The following RAPGEF4 variants were observed in gnomAD, a reference collection of about 807,000 sequenced individuals.
The protein encoded by RAPGEF4 is Rap guanine nucleotide exchange factor 4, also known as RAP guanine-nucleotide-exchange factor (GEF) 4.
In RAPGEF4, 66 loss-of-function variants were observed where a neutral mutation model predicts 147.9. The observed-to-expected ratio is 0.45, with a 90% CI of 0.37 to 0.55. The LOEUF is 0.55. Among genes scored for constraint, RAPGEF4 ranks in the 20% least tolerant of loss-of-function variants. RAPGEF4 has a pLI of 0.00. For missense variants in RAPGEF4, 1,071 were observed against 1,257.3 expected (o/e 0.85, Z 2.24); for synonymous variants, 419 against 442.7 (o/e 0.95, Z 0.67).
At chr2:172,855,804 G>T (rs1693348503) in intron 4 of RAPGEF4, among the ~76,000 whole-genome samples, 2 of 152,052 alleles carry the variant, frequency 1.3e-5, no homozygotes, top group South Asian at 4.1e-4. Flanking sequence ...TGTGAATTTT[G>T]ATGGAAAGTT....
At chr2:172,804,399 G>A (rs528153670) in intron 3 of RAPGEF4, among the ~76,000 whole-genome samples, 1 of 152,120 alleles carries the variant, frequency 6.6e-6, no homozygotes, top group Non-Finnish European at 1.5e-5. Flanking sequence ...TTTTTCATCA[G>A]CAATATACCC....
At chr2:173,026,808 C>T in intron 24 of RAPGEF4, 111 bp downstream of exon 24, 1 of 1,375,848 alleles carries the variant, frequency 7.3e-7, no homozygotes, top group Non-Finnish European at 9.9e-7. Context: ...ACCACATGAC[C>T]ATTTTTTTGC....
At chr2:172,762,697 G>C (rs1029277011) in intron 1 of RAPGEF4, among the ~76,000 whole-genome samples, 3 of 152,206 alleles carry the variant, frequency 2.0e-5, no homozygotes, top group Non-Finnish European at 2.9e-5. Flanking sequence ...CTATATCCCA[G>C]CCTTGTATTT....
At chr2:173,044,585 T>C (rs931033915) in intron 29 of RAPGEF4, among the ~76,000 whole-genome samples, 6 of 152,196 alleles carry the variant, frequency 3.9e-5, no homozygotes, top group African/African-American at 4.8e-5. Context: ...CAGCTTTCAG[T>C]TGGGCCCATC....
chr2:173,026,425 G>T, intron 23 of RAPGEF4, 147 bp from the exon 24 acceptor site: 1 of 786,062 alleles, frequency 1.3e-6, no homozygotes, highest in Non-Finnish European at 1.9e-6. Context: ...AGCGTTGCGA[G>T]CAGAGGCATC....
rs145483307 is a variant in RAPGEF4, at chr2:172,904,418, G to T, written c.445-13384G>T. Reference sequence around the variant, plus strand: ...TGCAATAACATTGCTAGAGCAAATTGTTTTACGACTTTCAATTAAGTAGCA... The same window carrying T: ...TGCAATAACATTGCTAGAGCAAATTTTTTTACGACTTTCAATTAAGTAGCA... On this transcript the variant is annotated intron_variant, in intron 4 of 30. Transcript: ENST00000397081. Among the ~76,000 whole-genome samples the T allele has an allele frequency of 4.0e-3, 610 of 152,288 alleles. 3 individuals are homozygous for T. Among genetic ancestry groups the T allele is most frequent in the Non-Finnish European group, 6.7e-3 (459 of 68,024 alleles).
intron 4 of RAPGEF4, among the ~76,000 whole-genome samples, chr2:172,885,830 C>T (rs868599404): frequency 3.9e-5 from 6 of 152,102 alleles, no homozygotes; most frequent in Admixed American, 1.3e-4. Flanking sequence ...CCACCAACAC[C>T]CTGAATCTGT....
In RAPGEF4 at chr2:173,014,463, C is replaced by T. The variant is rs1245472633; in HGVS notation, c.1659-1C>T. On this transcript the variant is annotated splice_acceptor_variant, in intron 17 of 30. Coordinates refer to ENST00000397081, the MANE Select transcript of RAPGEF4 (RefSeq NM_007023.4). LOFTEE classifies it high-confidence loss of function. ...CAATTTCTTCCTTGACTCCTCGGCACCTACCACGCACAGCCTTCACAAGGT... is the reference window on the plus strand; with the variant it reads ...CAATTTCTTCCTTGACTCCTCGGCATCTACCACGCACAGCCTTCACAAGGT... 1.2e-6 allele frequency: 2 copies of T among 1,613,726 alleles called. No homozygotes were observed. Among genetic ancestry groups the T allele is most frequent in the Admixed American group, 3.3e-5 (2 of 59,960 alleles).
At chr2:173,050,715 G>A (rs1686104058) in intron 30 of RAPGEF4, among the ~76,000 whole-genome samples, 2 of 148,048 alleles carry the variant, frequency 1.4e-5, no homozygotes, top group African/African-American at 2.5e-5. Context: ...TTTAAAATTG[G>A]GAGAATTCAC....
At chr2:173,026,509 C>A in intron 23 of RAPGEF4, 63 bp from the exon 24 acceptor site, 1 of 1,528,788 alleles carries the variant, frequency 6.5e-7, no homozygotes, top group Non-Finnish European at 8.9e-7. Flanking sequence ...CTCCTGAAAG[C>A]TTTTAGTGCT....
At chr2:173,036,321 C>A in intron 28 of RAPGEF4, 109 bp downstream of exon 28, 1 of 885,538 alleles carries the variant, frequency 1.1e-6, no homozygotes, top group East Asian at 2.6e-5. Context: ...CGATCCCATC[C>A]TTCTGCCTTC....
intron 1 of RAPGEF4, among the ~76,000 whole-genome samples, chr2:172,789,493 T>C (rs1685588701): frequency 6.6e-6 from 1 of 152,234 alleles, no homozygotes; most frequent in African/African-American, 2.4e-5. Context: ...AGATCTACCC[T>C]CTGAACCAAT....
At chr2:172,958,805 C>G (rs1688992946) in intron 6 of RAPGEF4, among the ~76,000 whole-genome samples, 1 of 152,178 alleles carries the variant, frequency 6.6e-6, no homozygotes, top group African/African-American at 2.4e-5. Flanking sequence ...CTAAATACAT[C>G]TGTATCTTAT....
intron 10 of RAPGEF4, among the ~76,000 whole-genome samples, chr2:172,975,535 TTTC>T (rs1170979076): frequency 6.6e-6 from 1 of 152,220 alleles, no homozygotes; most frequent in African/African-American, 2.4e-5. Context: ...TCCAATTTTA[TTTC>T]TTCTTTTTTT....
At chr2:173,033,129 C>T (rs78179400) in intron 26 of RAPGEF4, among the ~76,000 whole-genome samples, 2,586 of 152,026 alleles carry the variant, frequency 0.017, 79 homozygotes, top group African/African-American at 0.058. Context: ...AATCATTTGC[C>T]GAAATAAAAA....
At chr2:172,751,951 G>A (rs140944434) in intron 1 of RAPGEF4, among the ~76,000 whole-genome samples, 2 of 48,214 alleles carry the variant, frequency 4.1e-5, no homozygotes, top group Non-Finnish European at 1.2e-4. Flanking sequence ...TCCTTTAAAT[G>A]TTATTATGAC....
At position 172,849,153 on chromosome 2, in the gene RAPGEF4, AGTCT is replaced by A. The variant is rs1692547169; in HGVS notation, c.444+34729_444+34732del. On this transcript the variant is annotated intron_variant, in intron 4 of 30. Transcript: ENST00000397081. ...GTTTGCCAGACAACTTGATTCAGTCAGTCTCTGATTTATTGATTTTATGTAATTC... is the reference window on the plus strand; with the variant it reads ...GTTTGCCAGACAACTTGATTCAGTCACTGATTTATTGATTTTATGTAATTC... 3.3e-5 allele frequency among the ~76,000 whole-genome samples: 5 copies of A among 152,056 alleles called. No homozygotes were observed. In the South Asian group the frequency reaches 1.0e-3, roughly 32 times the overall value.
At chr2:172,890,068 T>G (rs1308760616) in intron 4 of RAPGEF4, among the ~76,000 whole-genome samples, 1 of 152,238 alleles carries the variant, frequency 6.6e-6, no homozygotes, top group Non-Finnish European at 1.5e-5. Context: ...GACATCTTAA[T>G]AGTAAACAGT....
At chr2:172,760,036 ACAGACAAAAAAATGCCC>A (rs1696150311) in intron 1 of RAPGEF4, among the ~76,000 whole-genome samples, 2 of 152,206 alleles carry the variant, frequency 1.3e-5, no homozygotes, top group African/African-American at 4.8e-5. Flanking sequence ...ACCAATGGGC[ACAGACAAAAAAATGCCC>A]CAAGAAAAGC....
Sources: allele counts gnomAD v4.1 joint callset (sites outside exome capture counted in the v4.1 genomes callset), GRCh38; gene constraint gnomAD v4.1.1; transcripts MANE v1.5; gene names NCBI Gene and HGNC (gene_info 2026-07-23, HGNC 2026-07-21).